Variants in AMOTL1 observed in about 807,000 individuals in gnomAD.
The protein encoded by AMOTL1 is angiomotin-like protein 1.
Under a neutral mutation model 102.9 loss-of-function variants are expected in AMOTL1, and 45 were observed. That is an observed-to-expected ratio of 0.44 (90% CI 0.34 to 0.56). AMOTL1 has a LOEUF of 0.56. AMOTL1 is among the 20% of genes least tolerant of loss of function. The pLI, the probability that AMOTL1 is intolerant of heterozygous loss-of-function variation, is 0.01. For missense variants in AMOTL1, 1,114 were observed against 1,225.6 expected (o/e 0.91, Z 1.36); for synonymous variants, 481 against 484.7 (o/e 0.99, Z 0.10).
chr11:94,766,453 C>T (rs539026447), upstream of AMOTL1, among the ~76,000 whole-genome samples: 3 of 152,354 alleles, frequency 2.0e-5, no homozygotes, highest in South Asian at 6.2e-4. Context: ...AGCTGCAACT[C>T]AGCTCATGCC....
At chr11:94,834,975 T>C (rs1487189356) in intron 6 of AMOTL1, among the ~76,000 whole-genome samples, 1 of 152,178 alleles carries the variant, frequency 6.6e-6, no homozygotes, top group Non-Finnish European at 1.5e-5. Flanking sequence ...TTCTAAAGAC[T>C]GAAGTGGACA....
At chr11:94,810,695 C>T (rs1014779944) in intron 3 of AMOTL1, among the ~76,000 whole-genome samples, 2 of 151,672 alleles carry the variant, frequency 1.3e-5, no homozygotes, top group Non-Finnish European at 2.9e-5. Context: ...TATTTCAGGT[C>T]CCTTATGCAG....
At position 94,847,951 on chromosome 11, in the gene AMOTL1, C is replaced by T. The variant is rs558639908; in HGVS notation, c.1649-2163C>T. 2.6e-5 allele frequency among the ~76,000 whole-genome samples: 4 copies of T among 152,208 alleles called. No individual in the cohort carries two copies. In the South Asian group the frequency reaches 8.3e-4, roughly 32 times the overall value. On this transcript the variant is annotated intron_variant, in intron 6 of 12. Transcript: ENST00000433060. ...TTAGTGTATACTTGGTGGCCCTCAACAAAGAGAAGAACTTTTATGCTTAGG... is the reference window on the plus strand; with the variant it reads ...TTAGTGTATACTTGGTGGCCCTCAATAAAGAGAAGAACTTTTATGCTTAGG...
At chr11:94,757,385 G>A (rs1215859250) in intron 3 of AMOTL1, among the ~76,000 whole-genome samples, 3 of 152,072 alleles carry the variant, frequency 2.0e-5, no homozygotes, top group Non-Finnish European at 2.9e-5. Flanking sequence ...AAGTTAAGTC[G>A]TTCAGCCAAT....
intron 2 of AMOTL1, among the ~76,000 whole-genome samples, chr11:94,729,994 A>G (rs1950321378): frequency 6.6e-6 from 1 of 152,176 alleles, no homozygotes; most frequent in South Asian, 2.1e-4. Context: ...ACTGCTTCAC[A>G]CAATGAGATA....
intron 3 of AMOTL1, among the ~76,000 whole-genome samples, chr11:94,817,735 A>T (rs1752859562): frequency 6.6e-6 from 1 of 152,212 alleles, no homozygotes. Context: ...TTGTTCTTGA[A>T]TGCAGGTTTC....
At chr11:94,758,911 T>C (rs1250624976) in intron 3 of AMOTL1, among the ~76,000 whole-genome samples, 3 of 152,194 alleles carry the variant, frequency 2.0e-5, no homozygotes, top group Non-Finnish European at 4.4e-5. Context: ...TTGAGTTTTG[T>C]TTGTAAGATG....
rs796777781 is a variant in AMOTL1, at chr11:94,808,974, T to C, written c.1121+8663T>C. Among the ~76,000 whole-genome samples, 20 of 83,222 alleles carry C rather than the reference T, an allele frequency of 2.4e-4. No individual in the cohort carries two copies. The East Asian group carries it at 0.013, about 52-fold the overall frequency. The allele number at this position is 83,222 out of a possible 152,430, so 54.6% of individuals were successfully genotyped here. On this transcript the variant is annotated intron_variant, in intron 3 of 12. Coordinates refer to ENST00000433060, the MANE Select transcript of AMOTL1 (RefSeq NM_130847.3). ...ATTCTTTTCTTTCTTTCTTTTTTTT[T>C]TTTTTTTTTTTTTTGAGATGGAGTC...
chr11:94,722,231 T>C (rs1950185543), intron 1 of AMOTL1, among the ~76,000 whole-genome samples: 1 of 152,102 alleles, frequency 6.6e-6, no homozygotes, highest in South Asian at 2.1e-4. Flanking sequence ...ATCTCACCCA[T>C]TTTTTACACA....
intron 6 of AMOTL1, among the ~76,000 whole-genome samples, chr11:94,836,494 T>G (rs1370624396): frequency 2.6e-5 from 4 of 152,198 alleles, no homozygotes; most frequent in Non-Finnish European, 5.9e-5. Flanking sequence ...ACCCCTTGCA[T>G]GTTCATGTAC....
At chr11:94,772,820 G>A (rs1389941152) in intron 1 of AMOTL1, among the ~76,000 whole-genome samples, 2 of 152,116 alleles carry the variant, frequency 1.3e-5, no homozygotes, top group Admixed American at 6.5e-5. Context: ...ACTCCTATTA[G>A]CAATGTATGA....
intron 6 of AMOTL1, among the ~76,000 whole-genome samples, chr11:94,849,018 T>C (rs1451512894): frequency 3.3e-5 from 5 of 152,226 alleles, no homozygotes; most frequent in African/African-American, 9.6e-5. Flanking sequence ...AGATAGCCAG[T>C]ATGGAACATT....
Position 94,870,830 on chromosome 11 carries a change from GACAA to G in AMOTL1, c.*40_*43del. ...CTGTGGAATTTCAGTACAGAACACT[GACAA>G]ACAAGGAAAGCGGCAGAGAAAGAAG... On this transcript the variant is annotated 3_prime_UTR_variant, in exon 13 of 13. Coordinates refer to ENST00000433060, the MANE Select transcript of AMOTL1 (RefSeq NM_130847.3). 6.6e-7 allele frequency: 1 copy of G among 1,512,802 alleles called. No homozygotes were observed. The allele number at this position is 1,512,802 out of a possible 1,614,324, so 93.7% of individuals were successfully genotyped here.
At chr11:94,761,485 G>C (rs186837845) in intron 3 of AMOTL1, among the ~76,000 whole-genome samples, 22 of 144,152 alleles carry the variant, frequency 1.5e-4, no homozygotes, top group African/African-American at 6.0e-4. Flanking sequence ...GACTGCGCCT[G>C]GCCCAGGACT....
chr11:94,823,719 CTT>C (rs56265520), intron 4 of AMOTL1, among the ~76,000 whole-genome samples: 10 of 141,652 alleles, frequency 7.1e-5, no homozygotes, highest in African/African-American at 5.2e-5. Context: ...TTAACATGTA[CTT>C]TTTTTTTTTT....
At position 94,829,940 on chromosome 11, in the gene AMOTL1, G is replaced by T. The variant is rs1041022070; in HGVS notation, c.1414-110G>T. ...ACACATGAAACTTGAGATGCAGAAA[G>T]ACTGCATTGAAGATACAGCCTTCAC... On this transcript the variant is annotated intron_variant, in intron 4 of 12. Coordinates refer to ENST00000433060, the MANE Select transcript of AMOTL1 (RefSeq NM_130847.3). 5.6e-6 allele frequency: 6 copies of T among 1,071,046 alleles called. No individual in the cohort carries two copies. The Admixed American group carries it at 1.5e-4, about 27-fold the overall frequency. 66.3% of individuals were successfully genotyped at this position (1,071,046 alleles called of 1,614,324 possible).
In AMOTL1 at chr11:94,869,373, C is replaced by T; in HGVS notation, c.2664C>T (p.Pro888=). 1 of 1,608,964 alleles carries T rather than the reference C, an allele frequency of 6.2e-7. No homozygotes were observed. Among genetic ancestry groups the T allele is most frequent in the South Asian group, 1.1e-5 (1 of 89,860 alleles). The part of the protein sequence containing the change: ...QTDKSAELFW[P]SMASLPSRGR... The stretch of plus-strand genomic sequence containing the variant: ...ACAAGAGTGCCGAGCTCTTCTGGCC[C>T]AGCATGGCCTCCCTTCCCAGCCGCG... Residue 888 remains proline, a synonymous_variant, in exon 12 of 13, where the codon CCC becomes CCT. Transcript: ENST00000433060.
chr11:94,783,512 C>G (rs1951139836), intron 1 of AMOTL1, among the ~76,000 whole-genome samples: 1 of 152,082 alleles, frequency 6.6e-6, no homozygotes, highest in Admixed American at 6.5e-5. Context: ...CCTTCTAGAC[C>G]TAGGGAGAAG....
In AMOTL1 at chr11:94,869,660, A is replaced by G. The variant is rs570573630; in HGVS notation, c.2764+187A>G. On this transcript the variant is annotated intron_variant, in intron 12 of 12. Transcript: ENST00000433060. Reference sequence around the variant, plus strand: ...CGGGAATAAATATGCATATAGACACATCTAGTTTATTACTATTTGAAATGA... The same window carrying G: ...CGGGAATAAATATGCATATAGACACGTCTAGTTTATTACTATTTGAAATGA... Among the ~76,000 whole-genome samples the G allele has an allele frequency of 2.6e-5, 4 of 152,354 alleles. No homozygotes were observed. In the East Asian group the frequency reaches 5.8e-4, roughly 22 times the overall value.
Sources: gnomAD v4.1 joint callset for allele counts (sites outside exome capture counted in the v4.1 genomes callset) on GRCh38, gnomAD v4.1.1 for gene constraint, MANE v1.5 for transcripts, NCBI Gene and HGNC (gene_info 2026-07-23, HGNC 2026-07-21) for gene names.